ERICH6: variants seen among roughly 807,000 people sequenced by gnomAD.
The protein encoded by ERICH6 is glutamate rich 6.
In ERICH6, 71 loss-of-function variants were observed where a neutral mutation model predicts 71.0. That is an observed-to-expected ratio of 1.00 (90% confidence interval 0.83 to 1.22). ERICH6 has a LOEUF of 1.22. Ranked by LOEUF, ERICH6 falls within the 50% of genes most tolerant of loss-of-function variation. The probability of loss-of-function intolerance (pLI) is 0.00; values close to 1 mark genes in which losing one functional copy is unlikely to be tolerated. For synonymous variants in ERICH6, 262 were observed against 278.4 expected (o/e 0.94, Z 0.59); for missense variants, 808 against 797.2 (o/e 1.01, Z -0.16).
intron 3 of ERICH6, among the ~76,000 whole-genome samples, chr3:150,695,787 A>G (rs1055524634): frequency 2.0e-5 from 3 of 150,634 alleles, no homozygotes; most frequent in Non-Finnish European, 4.4e-5. Flanking sequence ...CTATATATAT[A>G]TATATGAAGA....
chr3:150,680,803 C>A lies in ERICH6; in HGVS notation c.1010G>T (p.Arg337Ile). ...PHAAHGSEVDRLKAKEKALQR... is the reference protein window; with the variant it reads ...PHAAHGSEVDILKAKEKALQR... ...CAGGGCTTTTTCTTTTGCCTTGAGT[C>A]TGTCGACCTCACTACCATGGGCTGC... Residue 337 changes from arginine to isoleucine, a missense_variant, in exon 8 of 14, where the codon AGA becomes ATA. By Grantham distance (97) the Arg-to-Ile change is moderately conservative. Around this residue, in one of 3 missense-constraint regions of ERICH6, gnomAD observed 736 missense variants for 712.2 expected, o/e 1.03. Transcript: ENST00000295910. 1.2e-6 allele frequency: 2 copies of A among 1,611,564 alleles called. No individual in the cohort carries two copies. Among genetic ancestry groups the A allele is most frequent in the Non-Finnish European group, 1.7e-6 (2 of 1,179,434 alleles).
At chr3:150,695,558 C>T (rs1712624081) in intron 3 of ERICH6, among the ~76,000 whole-genome samples, 1 of 151,800 alleles carries the variant, frequency 6.6e-6, no homozygotes, top group African/African-American at 2.4e-5. Flanking sequence ...ATCCCAGCTA[C>T]TCGGGAAGCT....
chr3:150,672,255 T>TTATATATA (rs929327217), intron 11 of ERICH6, among the ~76,000 whole-genome samples: 6 of 82,120 alleles, frequency 7.3e-5, no homozygotes, highest in African/African-American at 3.6e-4. Context: ...AAGAATCCAT[T>TTATATATA]TATATATACA....
chr3:150,700,027 G>A (rs957851939), intron 2 of ERICH6, among the ~76,000 whole-genome samples: 3 of 152,040 alleles, frequency 2.0e-5, no homozygotes, highest in African/African-American at 4.8e-5. Context: ...GACTGGTGAG[G>A]CAGTATTGGC....
chr3:150,686,154 T>A lies in ERICH6; in HGVS notation c.611-133A>T, dbSNP rs931149609. ...CGCACACACTGTTCAGATGCCCTGA[T>A]CCCTGACGTTTTCGCCACCTTCTCA... On this transcript the variant is annotated intron_variant, in intron 4 of 13. Coordinates refer to ENST00000295910, the MANE Select transcript of ERICH6 (RefSeq NM_152394.5). 6 of 1,197,486 alleles carry A rather than the reference T, an allele frequency of 5.0e-6. No individual in the cohort carries two copies. The African/African-American group carries it at 9.0e-5, about 18-fold the overall frequency. 74.2% of individuals were successfully genotyped at this position (1,197,486 alleles called of 1,614,324 possible).
In ERICH6 at chr3:150,659,888, T is replaced by C; in HGVS notation, c.*4A>G. ...AAAACAAATGAAAGCACCATCATTC[T>C]TAGTTAAATTTCTTCATTTATTATA... On this transcript the variant is annotated 3_prime_UTR_variant, in exon 14 of 14. Transcript: ENST00000295910. 1.3e-6 allele frequency: 2 copies of C among 1,593,168 alleles called. No homozygotes were observed. Among genetic ancestry groups the C allele is most frequent in the East Asian group, 2.2e-5 (1 of 44,660 alleles).
At chr3:150,672,386 T>A (rs1479385104) in intron 11 of ERICH6, among the ~76,000 whole-genome samples, 3 of 151,242 alleles carry the variant, frequency 2.0e-5, no homozygotes, top group Non-Finnish European at 4.4e-5. Context: ...TTACCTGAAT[T>A]CAAGAGTTCA....
intron 3 of ERICH6, among the ~76,000 whole-genome samples, chr3:150,689,728 T>G (rs1033751772): frequency 5.3e-5 from 8 of 152,182 alleles, no homozygotes; most frequent in Non-Finnish European, 1.2e-4. Context: ...ACTTCTGCTG[T>G]CTCTCCTTTC....
chr3:150,692,933 G>T (rs1014977954), intron 3 of ERICH6, among the ~76,000 whole-genome samples: 1 of 152,090 alleles, frequency 6.6e-6, no homozygotes, highest in East Asian at 1.9e-4. Flanking sequence ...AGGACTCATG[G>T]AGAGCTGAAA....
At chr3:150,664,683 C>T (rs1727344398) in intron 13 of ERICH6, among the ~76,000 whole-genome samples, 1 of 151,248 alleles carries the variant, frequency 6.6e-6, no homozygotes, top group South Asian at 2.1e-4. Context: ...TTTATAAATA[C>T]ATAGTAAGAA....
At position 150,703,494 on chromosome 3, in the gene ERICH6, A is replaced by G; in HGVS notation, c.403+2T>C. The G allele has an allele frequency of 6.3e-7, 1 of 1,586,640 alleles. No homozygotes were observed. The highest frequency in any genetic ancestry group is 8.6e-7 in the Non-Finnish European group (1 of 1,166,356). ...GAGGAAGGGGTGGGTCGGGGGCGGT[A>G]CTTTTATGCGAGGAGGTGCTGGAGG... On this transcript the variant is annotated splice_donor_variant, in intron 1 of 13. Coordinates refer to ENST00000295910, the MANE Select transcript of ERICH6 (RefSeq NM_152394.5). LOFTEE classifies it high-confidence loss of function.
At chr3:150,700,105 C>T (rs1397272399) in intron 2 of ERICH6, among the ~76,000 whole-genome samples, 2 of 151,860 alleles carry the variant, frequency 1.3e-5, no homozygotes, top group Admixed American at 6.6e-5. Context: ...GATGGAGTCC[C>T]GCTCTGTTGC....
chr3:150,669,491 C>T, intron 11 of ERICH6, 40 bp from the exon 12 acceptor site: 1 of 1,590,262 alleles, frequency 6.3e-7, no homozygotes, highest in Non-Finnish European at 8.5e-7. Context: ...TCTAATGCTC[C>T]TTGACTATTC....
chr3:150,698,655 C>A (rs1033895936), intron 3 of ERICH6, 136 bp downstream of exon 3: 12 of 619,318 alleles, frequency 1.9e-5, no homozygotes, highest in Non-Finnish European at 3.4e-5. Flanking sequence ...AGAGGGTAAG[C>A]AACTTGCCCA....
chr3:150,673,857 A>G, intron 11 of ERICH6, 99 bp downstream of exon 11: 5 of 1,084,576 alleles, frequency 4.6e-6, no homozygotes, highest in Non-Finnish European at 6.8e-6. Flanking sequence ...CTGGCATTAC[A>G]GGTGTGAGCC....
At chr3:150,698,396 G>T (rs554221229) in intron 3 of ERICH6, among the ~76,000 whole-genome samples, 1 of 152,122 alleles carries the variant, frequency 6.6e-6, no homozygotes, top group East Asian at 1.9e-4. Flanking sequence ...AAATATACTG[G>T]AAAAGTTAAA....
chr3:150,674,256 A>T (rs1050277347), intron 10 of ERICH6, among the ~76,000 whole-genome samples: 1 of 152,186 alleles, frequency 6.6e-6, no homozygotes, highest in African/African-American at 2.4e-5. Context: ...TCCTTCTGGT[A>T]GAAATCTGAC....
At chr3:150,691,707 A>G (rs1712441319) in intron 3 of ERICH6, among the ~76,000 whole-genome samples, 1 of 150,816 alleles carries the variant, frequency 6.6e-6, no homozygotes, top group Non-Finnish European at 1.5e-5. Context: ...CTTAGGAAAA[A>G]AAGCTGAGAT....
chr3:150,667,020 T>A lies in ERICH6; in HGVS notation c.1500-5A>T, dbSNP rs6440691. 1.2e-6 allele frequency: 2 copies of A among 1,610,892 alleles called. No individual in the cohort carries two copies. Among genetic ancestry groups the A allele is most frequent in the Non-Finnish European group, 1.7e-6 (2 of 1,178,216 alleles). On this transcript the variant is annotated splice_region_variant and splice_polypyrimidine_tract_variant and intron_variant, in intron 12 of 13. Coordinates refer to ENST00000295910, the MANE Select transcript of ERICH6 (RefSeq NM_152394.5). ...CCCAAGATATTGATGTATACCCTGG[T>A]CAGGAAGGAAATGTAAATATCATAA...
Sources: allele counts gnomAD v4.1 joint callset (sites outside exome capture counted in the v4.1 genomes callset), GRCh38; gene constraint gnomAD v4.1.1; regional missense constraint gnomAD v4.1.1; transcripts MANE v1.5; gene names NCBI Gene and HGNC (gene_info 2026-07-23, HGNC 2026-07-21).